The following FGF10 variants were observed in gnomAD, a reference collection of about 807,000 sequenced individuals.
FGF10 encodes FGF-10.
FGF10 carries 2 observed loss-of-function variants against 19.8 expected under a neutral mutation model. The observed-to-expected ratio is 0.10, with a 90% CI of 0.04 to 0.32. FGF10 has a LOEUF of 0.32. FGF10 is among the 10% of genes least tolerant of loss of function. The pLI is 1.00. For synonymous variants in FGF10, 112 were observed against 94.0 expected (o/e 1.19, Z -1.10); for missense variants, 191 against 246.3 (o/e 0.78, Z 1.50).
chr5:44,333,134 C>T (rs899255501), intron 1 of FGF10, among the ~76,000 whole-genome samples: 3 of 151,906 alleles, frequency 2.0e-5, no homozygotes, highest in Non-Finnish European at 4.4e-5. Context: ...CTTCTTGAAT[C>T]AAAGTTAAGA....
At chr5:44,371,651 A>G (rs966866126) in intron 1 of FGF10, among the ~76,000 whole-genome samples, 3 of 152,166 alleles carry the variant, frequency 2.0e-5, no homozygotes, top group Admixed American at 2.0e-4. Flanking sequence ...TCAAACAACC[A>G]AAGCCCTTTG....
At chr5:44,377,240 T>A (rs1368793073) in intron 1 of FGF10, among the ~76,000 whole-genome samples, 1 of 152,202 alleles carries the variant, frequency 6.6e-6, no homozygotes, top group Non-Finnish European at 1.5e-5. Context: ...GCTGTTTACT[T>A]AAATTCTGCC....
At chr5:44,306,937 G>A (rs1217932058) in intron 2 of FGF10, among the ~76,000 whole-genome samples, 1 of 152,042 alleles carries the variant, frequency 6.6e-6, no homozygotes, top group African/African-American at 2.4e-5. Context: ...CTTTATCTCA[G>A]TCTGTCTAAA....
rs1281085397 is a variant in FGF10, at chr5:44,317,023, T to C, written c.326-6493A>G. Among the ~76,000 whole-genome samples, 4 of 152,144 alleles carry C rather than the reference T, an allele frequency of 2.6e-5. 1 individual carries two copies. The East Asian group carries it at 7.7e-4, about 29-fold the overall frequency. On this transcript the variant is annotated intron_variant, in intron 1 of 2. Coordinates refer to ENST00000264664, the MANE Select transcript of FGF10 (RefSeq NM_004465.2). Reference sequence around the variant, plus strand: ...TTGTCTCAAAGCAATAGGGCTCCACTTTATCCTTCACCCTACACCCAGTGT... The same window carrying C: ...TTGTCTCAAAGCAATAGGGCTCCACCTTATCCTTCACCCTACACCCAGTGT...
intron 1 of FGF10, among the ~76,000 whole-genome samples, chr5:44,380,360 A>G (rs1017130457): frequency 6.6e-5 from 10 of 152,356 alleles, no homozygotes; most frequent in African/African-American, 2.4e-4. Flanking sequence ...TTCATCAATC[A>G]GTGCCAAAAA....
At chr5:44,375,992 G>A (rs754258437) in intron 1 of FGF10, among the ~76,000 whole-genome samples, 1 of 152,066 alleles carries the variant, frequency 6.6e-6, no homozygotes, top group Non-Finnish European at 1.5e-5. Context: ...TTAATCTGCT[G>A]AAGTTTTTAT....
chr5:44,319,286 C>G (rs570328114), intron 1 of FGF10, among the ~76,000 whole-genome samples: 1 of 152,240 alleles, frequency 6.6e-6, no homozygotes, highest in East Asian at 1.9e-4. Context: ...AAATGATCAA[C>G]ATGTTAATAT....
intron 1 of FGF10, among the ~76,000 whole-genome samples, chr5:44,333,232 A>G (rs1020162955): frequency 6.6e-6 from 1 of 152,196 alleles, no homozygotes; most frequent in African/African-American, 2.4e-5. Flanking sequence ...TTATTACAGA[A>G]GTAAGCTGTG....
intron 1 of FGF10, among the ~76,000 whole-genome samples, chr5:44,311,329 C>T (rs937863299): frequency 1.3e-5 from 2 of 152,158 alleles, no homozygotes; most frequent in African/African-American, 2.4e-5. Context: ...GTCAGTTTAT[C>T]GTCTACTAAA....
intron 2 of FGF10, among the ~76,000 whole-genome samples, chr5:44,305,862 T>G (rs1740064558): frequency 6.6e-6 from 1 of 152,202 alleles, no homozygotes; most frequent in African/African-American, 2.4e-5. Flanking sequence ...TTCCTCGTTT[T>G]GTGAACTACT....
At chr5:44,314,599 A>G (rs1445416717) in intron 1 of FGF10, among the ~76,000 whole-genome samples, 1 of 152,084 alleles carries the variant, frequency 6.6e-6, no homozygotes, top group East Asian at 1.9e-4. Flanking sequence ...AGAAGTCACA[A>G]TTTTCGTGTA....
chr5:44,383,311 C>A lies in FGF10; in HGVS notation c.325+5047G>T, dbSNP rs1305200968. Among the ~76,000 whole-genome samples, 9 of 152,110 alleles carry A rather than the reference C, an allele frequency of 5.9e-5. No individual in the cohort carries two copies. In the South Asian group the frequency reaches 1.9e-3, roughly 31 times the overall value. On this transcript the variant is annotated intron_variant, in intron 1 of 2. Coordinates refer to ENST00000264664, the MANE Select transcript of FGF10 (RefSeq NM_004465.2). ...ATGCACTGGAATAAAGCTTTTCACT[C>A]TAAACTGGATAGCATAAATGTAGAA...
rs545148577 is a variant in FGF10, at chr5:44,328,199, C to T, written c.326-17669G>A. Among the ~76,000 whole-genome samples, 9 of 152,256 alleles carry T rather than the reference C, an allele frequency of 5.9e-5. No homozygotes were observed. In the South Asian group the frequency reaches 1.7e-3, roughly 28 times the overall value. On this transcript the variant is annotated intron_variant, in intron 1 of 2. Coordinates refer to ENST00000264664, the MANE Select transcript of FGF10 (RefSeq NM_004465.2). ...GTTTTCTTTTGTTCAGTTGCCCTTG[C>T]TGGCTAACTACTAAACAACGTAATC...
Position 44,315,294 on chromosome 5 carries a change from G to C in FGF10, c.326-4764C>G, listed in dbSNP as rs1034961909. ...ATCCTGAAGAAGACAGCTGGTGTTTGAGGTGACTTTTCAAGAGCAGGGTTT... is the reference window on the plus strand; with the variant it reads ...ATCCTGAAGAAGACAGCTGGTGTTTCAGGTGACTTTTCAAGAGCAGGGTTT... On this transcript the variant is annotated intron_variant, in intron 1 of 2. Transcript: ENST00000264664. Among the ~76,000 whole-genome samples the C allele has an allele frequency of 2.0e-5, 3 of 152,052 alleles. No individual in the cohort carries two copies. In the East Asian group the frequency reaches 5.8e-4, roughly 29 times the overall value.
intron 1 of FGF10, among the ~76,000 whole-genome samples, chr5:44,348,342 T>G (rs1741133420): frequency 2.0e-5 from 3 of 151,830 alleles, no homozygotes; most frequent in South Asian, 4.1e-4. Context: ...AATGGGATAG[T>G]CTTGCCATAC....
In FGF10 at chr5:44,389,195, A is replaced by G. The variant is rs578142246; in HGVS notation, c.-513T>C. 6 of 196,042 alleles carry G rather than the reference A, an allele frequency of 3.1e-5. No homozygotes were observed. The South Asian group carries it at 5.2e-4, about 17-fold the overall frequency. 12.1% of individuals were successfully genotyped at this position (196,042 alleles called of 1,614,324 possible). A position where few individuals can be genotyped will look rare whatever the true frequency, so the allele number is the denominator to read the frequency against. The stretch of plus-strand genomic sequence containing the variant: ...CCCCAGCCTGCGAGCCACTTCTACA[A>G]GTATATCCCTTTGGAGTTGTCAGAA... On this transcript the variant is annotated 5_prime_UTR_variant, in exon 1 of 3. Coordinates refer to ENST00000264664, the MANE Select transcript of FGF10 (RefSeq NM_004465.2).
At chr5:44,357,520 G>T (rs1741376354) in intron 1 of FGF10, among the ~76,000 whole-genome samples, 1 of 151,440 alleles carries the variant, frequency 6.6e-6, no homozygotes, top group Admixed American at 6.6e-5. Flanking sequence ...CATCATGATA[G>T]CCTTGAGTGA....
intron 1 of FGF10, among the ~76,000 whole-genome samples, chr5:44,331,464 T>C (rs1740734731): frequency 6.6e-6 from 1 of 152,192 alleles, no homozygotes; most frequent in Admixed American, 6.6e-5. Flanking sequence ...ACTGTGCCTT[T>C]AATTGGAGAT....
intron 1 of FGF10, among the ~76,000 whole-genome samples, chr5:44,364,846 A>T (rs1439131288): frequency 6.6e-6 from 1 of 151,932 alleles, no homozygotes; most frequent in Non-Finnish European, 1.5e-5. Context: ...AAATCTGATA[A>T]TATTATCTGT....
Sources: gnomAD v4.1 joint callset for allele counts (sites outside exome capture counted in the v4.1 genomes callset) on GRCh38, gnomAD v4.1.1 for gene constraint, MANE v1.5 for transcripts, NCBI Gene and HGNC (gene_info 2026-07-23, HGNC 2026-07-21) for gene names.